The following PTCHD1 variants were observed in gnomAD, a reference collection of about 807,000 sequenced individuals.
PTCHD1 encodes patched domain-containing protein 1.
PTCHD1 carries 3 observed loss-of-function variants against 34.6 expected under a neutral mutation model. The observed-to-expected ratio is 0.09, with a 90% CI of 0.04 to 0.22. The LOEUF is 0.22. Ranked by LOEUF, PTCHD1 falls within the 10% of genes least tolerant of loss-of-function variation. The pLI, the probability that PTCHD1 is intolerant of heterozygous loss-of-function variation, is 1.00. For synonymous variants in PTCHD1, 305 were observed against 283.1 expected, an observed-to-expected ratio of 1.08 and a Z score of -0.77; for missense variants, 504 against 685.5, an observed-to-expected ratio of 0.74 and a Z score of 2.96.
At chrX:23,359,041 G>C (rs925127228) in intron 1 of PTCHD1, among the ~76,000 whole-genome samples, 3 of 112,105 alleles carry the variant, frequency 2.7e-5, no homozygotes, top group African/African-American at 9.7e-5. Flanking sequence ...TGCTGTTTTG[G>C]CTACTGTAGC....
At chrX:23,347,657 T>C (rs1167045212) in intron 1 of PTCHD1, among the ~76,000 whole-genome samples, 1 of 111,503 alleles carries the variant, frequency 9.0e-6, no homozygotes, top group Admixed American at 9.5e-5. Context: ...AAAGGAAACA[T>C]CAAAATCAGA....
chrX:23,365,316 T>C (rs189036328), intron 1 of PTCHD1, among the ~76,000 whole-genome samples: 17 of 111,406 alleles, frequency 1.5e-4, no homozygotes, highest in Admixed American at 1.9e-4. Flanking sequence ...ATACAAGACA[T>C]TGGGGAGTTG....
intron 2 of PTCHD1, among the ~76,000 whole-genome samples, chrX:23,388,824 C>A (rs1248596151): frequency 9.2e-6 from 1 of 108,595 alleles, no homozygotes; most frequent in African/African-American, 3.4e-5. Flanking sequence ...GAGTGAGACT[C>A]CGTCTCGAAA....
chrX:23,378,740 A>T (rs1051486769), intron 1 of PTCHD1, among the ~76,000 whole-genome samples: 5 of 112,493 alleles, frequency 4.4e-5, no homozygotes, highest in Non-Finnish European at 9.4e-5. Flanking sequence ...AAATGAGTTT[A>T]TCTGTATAAG....
intron 1 of PTCHD1, among the ~76,000 whole-genome samples, chrX:23,352,678 A>G: frequency 9.0e-6 from 1 of 111,581 alleles, no homozygotes; most frequent in Non-Finnish European, 1.9e-5. Context: ...AACCCTGGCT[A>G]CATATTAGAA....
At chrX:23,348,564 C>T (rs983259973) in intron 1 of PTCHD1, among the ~76,000 whole-genome samples, 12 of 110,099 alleles carry the variant, frequency 1.1e-4, no homozygotes, top group African/African-American at 4.0e-4. Flanking sequence ...GGGGGGACAC[C>T]TTATATATAG....
At chrX:23,372,423 T>C (rs1196788431) in intron 1 of PTCHD1, among the ~76,000 whole-genome samples, 1 of 110,621 alleles carries the variant, frequency 9.0e-6, no homozygotes, top group Non-Finnish European at 1.9e-5. Flanking sequence ...GATGAGGAAC[T>C]CTAGGGGAAT....
In PTCHD1 at chrX:23,394,302, CAAAAAAAAAA is replaced by C. The variant is rs765690048; in HGVS notation, c.*130_*139del. ...TTTAAAGATAGGAAACAGGCATTGC[CAAAAAAAAAA>C]AAAAAAAAAAAAGGAAAGGACAGTG... On this transcript the variant is annotated 3_prime_UTR_variant, in exon 3 of 3. Transcript: ENST00000379361. The C allele has an allele frequency of 9.5e-5, 5 of 52,429 alleles. No individual in the cohort carries two copies. Among genetic ancestry groups the C allele is most frequent in the South Asian group, 4.2e-4 (1 of 2,370 alleles). The allele number at this position is 52,429 out of a possible 1,213,427, so 4.3% of individuals were successfully genotyped here.
intron 1 of PTCHD1, among the ~76,000 whole-genome samples, chrX:23,359,119 T>C (rs1271101931): frequency 8.9e-6 from 1 of 112,513 alleles, no homozygotes; most frequent in Non-Finnish European, 1.9e-5. Context: ...TAGGATTGAC[T>C]TGGCAATGCA....
intron 1 of PTCHD1, among the ~76,000 whole-genome samples, chrX:23,345,463 C>A (rs185184145): frequency 1.8e-5 from 2 of 112,017 alleles, no homozygotes; most frequent in Non-Finnish European, 3.8e-5. Context: ...ATCTAAGGAA[C>A]CTTGCTGAAC....
At chrX:23,389,351 C>A (rs557705149) in intron 2 of PTCHD1, among the ~76,000 whole-genome samples, 5 of 111,913 alleles carry the variant, frequency 4.5e-5, no homozygotes, top group African/African-American at 1.6e-4. Flanking sequence ...TGAGCCAGGA[C>A]AGCTGCCAGC....
At chrX:23,352,143 G>A (rs754452772) in intron 1 of PTCHD1, among the ~76,000 whole-genome samples, 1 of 111,999 alleles carries the variant, frequency 8.9e-6, no homozygotes, top group Non-Finnish European at 1.9e-5. Flanking sequence ...ACAGGAGGGC[G>A]AGAAGGGGAG....
At chrX:23,337,829 A>G (rs752848907) in intron 1 of PTCHD1, among the ~76,000 whole-genome samples, 17 of 110,739 alleles carry the variant, frequency 1.5e-4, no homozygotes, top group Non-Finnish European at 2.6e-4. Flanking sequence ...TTCAAGCATG[A>G]AGAGTAGACC....
rs888181529 is a variant in PTCHD1, at chrX:23,395,780, C to T, written c.*1595C>T. 8.9e-6 allele frequency: 1 copy of T among 112,006 alleles called. No individual in the cohort carries two copies. Among genetic ancestry groups the T allele is most frequent in the Non-Finnish European group, 1.9e-5 (1 of 53,163 alleles). The allele number at this position is 112,006 out of a possible 1,213,427, so 9.2% of individuals were successfully genotyped here. ...CTTTTAGAGATGTAGCTTCCTTAGA[C>T]ATCTGTAGTGGTAAGCATTTCCCAA... On this transcript the variant is annotated 3_prime_UTR_variant, in exon 3 of 3. Coordinates refer to ENST00000379361, the MANE Select transcript of PTCHD1 (RefSeq NM_173495.3).
At chrX:23,354,114 A>G (rs1406507684) in intron 1 of PTCHD1, among the ~76,000 whole-genome samples, 1 of 111,430 alleles carries the variant, frequency 9.0e-6, no homozygotes, top group African/African-American at 3.3e-5. Context: ...CAGGGCTTAC[A>G]GGGGCTAGAT....
At chrX:23,367,017 T>G (rs1421589530) in intron 1 of PTCHD1, among the ~76,000 whole-genome samples, 1 of 110,299 alleles carries the variant, frequency 9.1e-6, no homozygotes, top group Non-Finnish European at 1.9e-5. Flanking sequence ...CCTATACCCC[T>G]TTAGCTATTC....
chrX:23,354,820 C>G (rs1336802956), intron 1 of PTCHD1, among the ~76,000 whole-genome samples: 2 of 109,480 alleles, frequency 1.8e-5, no homozygotes, highest in Non-Finnish European at 3.8e-5. Flanking sequence ...ATCACCCCGC[C>G]TCGGCCTCCC....
chrX:23,334,765 T>TCGCCGCCGCCGCGGGCGCCGCCGC (rs1385047490), upstream of PTCHD1: 2 of 165,278 alleles, frequency 1.2e-5, no homozygotes, highest in African/African-American at 6.9e-5. Flanking sequence ...GCCGCCGCCG[T>TCGCCGCCGCCGCGGGCGCCGCCGC]CGCCGCCGCC....
intron 1 of PTCHD1, among the ~76,000 whole-genome samples, chrX:23,356,646 G>C (rs776637069): frequency 8.9e-6 from 1 of 111,890 alleles, no homozygotes; most frequent in South Asian, 3.8e-4. Context: ...AGTAAACCTT[G>C]CCATTGTACC....
Sources: allele counts gnomAD v4.1 joint callset (sites outside exome capture counted in the v4.1 genomes callset), GRCh38; gene constraint gnomAD v4.1.1; transcripts MANE v1.5; gene names NCBI Gene and HGNC (gene_info 2026-07-23, HGNC 2026-07-21).